Variants in ARHGEF28 observed in about 807,000 individuals in gnomAD.
ARHGEF28 encodes 190 kDa guanine nucleotide exchange factor.
A neutral mutation model predicts 206.6 loss-of-function variants in ARHGEF28; 152 were observed. That is an observed-to-expected ratio of 0.74 (90% CI 0.64 to 0.84). ARHGEF28 has a LOEUF of 0.84. ARHGEF28 is among the 40% of genes least tolerant of loss of function. ARHGEF28 has a pLI of 0.00. For synonymous variants in ARHGEF28, 763 were observed against 776.4 expected, an observed-to-expected ratio of 0.98 and a Z score of 0.29; for missense variants, 2,028 against 2,073.2, an observed-to-expected ratio of 0.98 and a Z score of 0.42.
At chr5:73,919,868 A>G (rs1024568514) in intron 35 of ARHGEF28, among the ~76,000 whole-genome samples, 7 of 152,224 alleles carry the variant, frequency 4.6e-5, no homozygotes, top group African/African-American at 1.7e-4. Flanking sequence ...TATAATTTGA[A>G]TTATATGGGG....
intron 9 of ARHGEF28, among the ~76,000 whole-genome samples, chr5:73,796,336 T>C (rs188987620): frequency 1.3e-5 from 2 of 152,164 alleles, no homozygotes; most frequent in African/African-American, 2.4e-5. Context: ...GTCTTAGAAG[T>C]TGCAAGGGGT....
intron 5 of ARHGEF28, among the ~76,000 whole-genome samples, chr5:73,774,305 G>C (rs369873573): frequency 6.6e-6 from 1 of 152,144 alleles, no homozygotes. Flanking sequence ...TTAGATTTCA[G>C]CTTAAATGTC....
At chr5:73,806,342 C>T (rs540972509) in intron 9 of ARHGEF28, among the ~76,000 whole-genome samples, 1 of 119,688 alleles carries the variant, frequency 8.4e-6, no homozygotes, top group Non-Finnish European at 1.6e-5. Context: ...TATATATATA[C>T]TATGTAGATA....
Position 73,904,414 on chromosome 5 carries a change from C to T in ARHGEF28, c.4161+9C>T, listed in dbSNP as rs1170620959. 2 of 1,606,338 alleles carry T rather than the reference C, an allele frequency of 1.2e-6. No individual in the cohort carries two copies. The highest frequency in any genetic ancestry group is 1.7e-6 in the Non-Finnish European group (2 of 1,175,126). ...TCTTATACAGCCTTCAGGTAACTAT[C>T]CTCCTCTAATCTTTGACCTTGTGAA... On this transcript the variant is annotated intron_variant, in intron 33 of 35. Transcript: ENST00000513042.
At chr5:73,662,532 T>C (rs1437790125) in intron 1 of ARHGEF28, among the ~76,000 whole-genome samples, 4 of 152,232 alleles carry the variant, frequency 2.6e-5, no homozygotes, top group Admixed American at 1.3e-4. Context: ...AAGGAACTTA[T>C]ATATCACAAA....
At chr5:73,758,563 AT>A (rs10712825) in intron 4 of ARHGEF28, among the ~76,000 whole-genome samples, 52,368 of 150,260 alleles carry the variant, frequency 0.35, 10,222 homozygotes, top group African/African-American at 0.53. Flanking sequence ...TTTTATTTTT[AT>A]TTTTTTTTTG....
At chr5:73,723,049 T>C (rs1163980138) in intron 2 of ARHGEF28, among the ~76,000 whole-genome samples, 1 of 152,250 alleles carries the variant, frequency 6.6e-6, no homozygotes, top group African/African-American at 2.4e-5. Flanking sequence ...TAATAAAGTT[T>C]TACATTATTT....
intron 2 of ARHGEF28, among the ~76,000 whole-genome samples, chr5:73,734,835 G>A (rs116062702): frequency 1.3e-3 from 200 of 152,078 alleles, no homozygotes; most frequent in African/African-American, 4.6e-3. Context: ...CAGTGGAGAG[G>A]GAAGACTATT....
In ARHGEF28 at chr5:73,867,908, C is replaced by A; in HGVS notation, c.2185C>A (p.Leu729Ile). Reference protein sequence around the residue: ...SSFRDIPQPGLSLHPSSSVPV... With the variant: ...SSFRDIPQPGISLHPSSSVPV... Reference sequence around the variant, plus strand: ...ATTTAGAGACATCCCACAGCCTGGTCTCTCCTTGCACCCTTCTTCCTCCGT... The same window carrying A: ...ATTTAGAGACATCCCACAGCCTGGTATCTCCTTGCACCCTTCTTCCTCCGT... Residue 729 changes from leucine (L) to isoleucine (I), a missense_variant, in exon 19 of 36, where the codon CTC (leucine) becomes ATC (isoleucine). Leu to Ile is a conservative substitution (Grantham distance 5). This residue lies in a region of ARHGEF28 where 1,002 missense variants were observed against 1,015.3 expected (regional missense o/e 0.99). Coordinates refer to ENST00000513042, the MANE Select transcript of ARHGEF28 (RefSeq NM_001177693.2). 1 of 1,613,992 alleles carries A rather than the reference C, an allele frequency of 6.2e-7. No individual in the cohort carries two copies. Among genetic ancestry groups the A allele is most frequent in the South Asian group, 1.1e-5 (1 of 91,068 alleles).
At chr5:73,898,788 G>A (rs1223688131) in intron 30 of ARHGEF28, 3 of 152,224 alleles carry the variant, frequency 2.0e-5, no homozygotes, top group Admixed American at 1.3e-4. Context: ...TATATGTATA[G>A]TTGTAGGCTA....
In ARHGEF28 at chr5:73,852,386, C is replaced by A. The variant is rs149017255; in HGVS notation, c.1748-264C>A. 1.2e-3 allele frequency among the ~76,000 whole-genome samples: 185 copies of A among 152,090 alleles called. 4 individuals carry two copies. In the East Asian group the frequency reaches 0.027, roughly 22 times the overall value. On this transcript the variant is annotated intron_variant, in intron 13 of 35. Transcript: ENST00000513042. Reference sequence around the variant, plus strand: ...TGCACTTCTGAAAATGTTTGCTGTCCCTTGCTGATGCTAACTTAGTTCATG... The same window carrying A: ...TGCACTTCTGAAAATGTTTGCTGTCACTTGCTGATGCTAACTTAGTTCATG...
At chr5:73,680,271 CTAA>C (rs898661838) in intron 1 of ARHGEF28, among the ~76,000 whole-genome samples, 1 of 151,608 alleles carries the variant, frequency 6.6e-6, no homozygotes, top group African/African-American at 2.4e-5. Flanking sequence ...CCCATCTGTA[CTAA>C]TAATACAAAA....
chr5:73,804,155 A>T (rs913897978), intron 9 of ARHGEF28, among the ~76,000 whole-genome samples: 7 of 150,288 alleles, frequency 4.7e-5, no homozygotes, highest in African/African-American at 1.7e-4. Context: ...ACTTGGAATG[A>T]GCTAGGTAGG....
At chr5:73,731,494 C>T (rs1750620446) in intron 2 of ARHGEF28, among the ~76,000 whole-genome samples, 1 of 152,152 alleles carries the variant, frequency 6.6e-6, no homozygotes, top group African/African-American at 2.4e-5. Context: ...GTGGCACAGT[C>T]ATCAGGATAT....
chr5:73,792,960 A>T (rs1298945879), intron 7 of ARHGEF28, among the ~76,000 whole-genome samples: 1 of 152,168 alleles, frequency 6.6e-6, no homozygotes, highest in Non-Finnish European at 1.5e-5. Context: ...ATGTGCATTT[A>T]AAGGCCGGCA....
At chr5:73,888,109 C>T (rs1485672240) in intron 26 of ARHGEF28, among the ~76,000 whole-genome samples, 1 of 152,204 alleles carries the variant, frequency 6.6e-6, no homozygotes, top group African/African-American at 2.4e-5. Context: ...CACAGCCAAT[C>T]TCTTCCAGCA....
At chr5:73,920,767 T>C (rs1479686125) in intron 35 of ARHGEF28, among the ~76,000 whole-genome samples, 1 of 152,092 alleles carries the variant, frequency 6.6e-6, no homozygotes, top group East Asian at 1.9e-4. Context: ...ATTGTATACA[T>C]ATAGCCCCCA....
At chr5:73,648,782 C>T (rs574434874) in intron 1 of ARHGEF28, among the ~76,000 whole-genome samples, 31 of 152,132 alleles carry the variant, frequency 2.0e-4, no homozygotes, top group African/African-American at 7.5e-4. Flanking sequence ...AGGACTGCAC[C>T]TCTTCCTCCT....
At chr5:73,936,989 A>T (rs1381164953) in intron 35 of ARHGEF28, among the ~76,000 whole-genome samples, 1 of 152,200 alleles carries the variant, frequency 6.6e-6, no homozygotes, top group Admixed American at 6.5e-5. Flanking sequence ...GAGCCAATGG[A>T]GGGAAGGCTG....
Sources: gnomAD v4.1 joint callset for allele counts (sites outside exome capture counted in the v4.1 genomes callset) on GRCh38, gnomAD v4.1.1 for gene constraint, gnomAD v4.1.1 regional missense constraint, MANE v1.5 for transcripts, NCBI Gene and HGNC (gene_info 2026-07-23, HGNC 2026-07-21) for gene names.